DACH1: variants seen among roughly 807,000 people sequenced by gnomAD.
The protein encoded by DACH1 is dachshund homolog 1.
DACH1 carries 12 observed loss-of-function variants against 54.2 expected under a neutral mutation model. The observed-to-expected ratio is 0.22, with a 90% CI of 0.14 to 0.36. DACH1 has a LOEUF of 0.36. Ranked by LOEUF, DACH1 falls within the 10% of genes least tolerant of loss-of-function variation. The pLI, the probability that DACH1 is intolerant of heterozygous loss-of-function variation, is 1.00. For synonymous variants in DACH1, 386 were observed against 366.2 expected, an observed-to-expected ratio of 1.05 and a Z score of -0.62; for missense variants, 805 against 929.8, an observed-to-expected ratio of 0.87 and a Z score of 1.75.
At chr13:71,582,157 A>T (rs1346601189) in intron 3 of DACH1, among the ~76,000 whole-genome samples, 2 of 152,176 alleles carry the variant, frequency 1.3e-5, no homozygotes, top group African/African-American at 4.8e-5. Context: ...CAAATTGCAT[A>T]ATGTTTTAAT....
intron 1 of DACH1, among the ~76,000 whole-genome samples, chr13:71,719,338 G>A (rs1464762363): frequency 1.3e-5 from 2 of 152,074 alleles, no homozygotes; most frequent in African/African-American, 4.8e-5. Flanking sequence ...TTCTGCTCAA[G>A]GAACAACATA....
intron 1 of DACH1, among the ~76,000 whole-genome samples, chr13:71,841,446 C>G (rs1382250057): frequency 6.6e-6 from 1 of 152,026 alleles, no homozygotes. Flanking sequence ...TTAATTTTAC[C>G]TCTAACAAAA....
intron 1 of DACH1, among the ~76,000 whole-genome samples, chr13:71,745,259 T>A (rs1398354022): frequency 6.6e-6 from 1 of 152,204 alleles, no homozygotes; most frequent in Non-Finnish European, 1.5e-5. Context: ...TTTAAAGTTC[T>A]ACTACAGGTT....
At position 71,446,375 on chromosome 13, in the gene DACH1, A is replaced by C. The variant is rs191020387; in HGVS notation, c.2084-5683T>G. 5.6e-3 allele frequency among the ~76,000 whole-genome samples: 859 copies of C among 152,328 alleles called. 36 individuals carry two copies. Among genetic ancestry groups the C allele is most frequent in the Admixed American group, 0.054 (819 of 15,284 alleles). On this transcript the variant is annotated intron_variant, in intron 10 of 10. Transcript: ENST00000613252. ...TCAAATGGATGAAAGCTTTACATTA[A>C]GATTAAGTAAACTGGCAATAATGAT...
intron 1 of DACH1, among the ~76,000 whole-genome samples, chr13:71,762,416 A>G (rs1337887212): frequency 2.0e-5 from 3 of 152,172 alleles, no homozygotes; most frequent in Non-Finnish European, 4.4e-5. Context: ...CATATGAGTA[A>G]GTGATATGAA....
rs146070641 is a variant in DACH1, at chr13:71,757,811, C to G, written c.849-75901G>C. ...GTGCTGGGATTACAGGTGTGAGCCA[C>G]CACGCCTGGCCTTAAAGGTACTTTG... On this transcript the variant is annotated intron_variant, in intron 1 of 10. Transcript: ENST00000613252. 2.1e-4 allele frequency among the ~76,000 whole-genome samples: 32 copies of G among 152,218 alleles called. No individual in the cohort carries two copies. In the East Asian group the frequency reaches 3.5e-3, roughly 17 times the overall value.
intron 10 of DACH1, among the ~76,000 whole-genome samples, chr13:71,466,416 A>T (rs1299455433): frequency 6.6e-6 from 1 of 152,138 alleles, no homozygotes; most frequent in East Asian, 1.9e-4. Context: ...ATGGCAATTT[A>T]GTTGCACGAT....
At chr13:71,723,625 C>A (rs1883334494) in intron 1 of DACH1, among the ~76,000 whole-genome samples, 1 of 152,128 alleles carries the variant, frequency 6.6e-6, no homozygotes, top group Non-Finnish European at 1.5e-5. Context: ...ATGTTCTAAT[C>A]CCACATCAAT....
At chr13:71,705,765 T>G (rs1410657514) in intron 1 of DACH1, among the ~76,000 whole-genome samples, 1 of 151,998 alleles carries the variant, frequency 6.6e-6, no homozygotes, top group African/African-American at 2.4e-5. Flanking sequence ...TTTTTTTTTT[T>G]AGAATCAAGT....
chr13:71,757,418 C>T (rs1885212086), intron 1 of DACH1, among the ~76,000 whole-genome samples: 1 of 151,966 alleles, frequency 6.6e-6, no homozygotes, highest in South Asian at 2.1e-4. Flanking sequence ...CTGAACAAAT[C>T]ACTTAACCTC....
intron 6 of DACH1, among the ~76,000 whole-genome samples, chr13:71,544,735 T>G (rs1883348769): frequency 6.6e-6 from 1 of 152,114 alleles, no homozygotes; most frequent in South Asian, 2.1e-4. Context: ...AAGATCCAGT[T>G]GTAAATAATA....
At chr13:71,648,232 T>C (rs1878431208) in intron 2 of DACH1, among the ~76,000 whole-genome samples, 2 of 152,174 alleles carry the variant, frequency 1.3e-5, no homozygotes, top group Admixed American at 1.3e-4. Flanking sequence ...CTATATCAAA[T>C]AGACACTCAA....
intron 6 of DACH1, among the ~76,000 whole-genome samples, chr13:71,506,157 T>A (rs1429480707): frequency 1.3e-5 from 2 of 151,978 alleles, no homozygotes; most frequent in Non-Finnish European, 2.9e-5. Context: ...TTATTATACT[T>A]TAAGTTTTAG....
chr13:71,767,134 A>G (rs1885668093), intron 1 of DACH1, among the ~76,000 whole-genome samples: 1 of 152,008 alleles, frequency 6.6e-6, no homozygotes, highest in South Asian at 2.1e-4. Context: ...CTTTGCAATT[A>G]ATATATATTT....
At position 71,530,751 on chromosome 13, in the gene DACH1, T is replaced by G. The variant is rs540422180; in HGVS notation, c.1570+26273A>C. Reference sequence around the variant, plus strand: ...TAATCATATCCTTAATATTAGAAACTAATACTTTGACATCATGTCAAATAA... The same window carrying G: ...TAATCATATCCTTAATATTAGAAACGAATACTTTGACATCATGTCAAATAA... On this transcript the variant is annotated intron_variant, in intron 6 of 10. Coordinates refer to ENST00000613252, the MANE Select transcript of DACH1 (RefSeq NM_080759.6). 1.2e-3 allele frequency among the ~76,000 whole-genome samples: 176 copies of G among 152,302 alleles called. 1 individual carries two copies. The highest frequency in any genetic ancestry group is 4.2e-3 in the African/African-American group (173 of 41,582).
At position 71,520,272 on chromosome 13, in the gene DACH1, T is replaced by C. The variant is rs1881496390; in HGVS notation, c.1571-31124A>G. On this transcript the variant is annotated intron_variant, in intron 6 of 10. Coordinates refer to ENST00000613252, the MANE Select transcript of DACH1 (RefSeq NM_080759.6). ...AGAAGATTATGGTAAGAATTAGGTG[T>C]AATAATGCCATACTCTTGCCAGAGC... Among the ~76,000 whole-genome samples the C allele has an allele frequency of 5.3e-5, 8 of 151,754 alleles. No homozygotes were observed. In the South Asian group the frequency reaches 1.7e-3, roughly 31 times the overall value.
intron 7 of DACH1, among the ~76,000 whole-genome samples, chr13:71,488,199 A>C (rs1878697231): frequency 6.6e-6 from 1 of 152,196 alleles, no homozygotes; most frequent in Non-Finnish European, 1.5e-5. Flanking sequence ...ATTTTTCTAA[A>C]AAGGAGCTTA....
At chr13:71,653,166 T>C (rs7329330) in intron 2 of DACH1, among the ~76,000 whole-genome samples, 42,436 of 152,024 alleles carry the variant, frequency 0.28, 8,656 homozygotes, top group African/African-American at 0.53. Flanking sequence ...ACAAAATTCA[T>C]CCCCATTTCC....
intron 3 of DACH1, among the ~76,000 whole-genome samples, chr13:71,620,126 T>C (rs1593997345): frequency 6.6e-6 from 1 of 152,002 alleles, no homozygotes. Context: ...ATCAGACTTA[T>C]ATTATCTGAT....
Sources: gnomAD v4.1 joint callset for allele counts (sites outside exome capture counted in the v4.1 genomes callset) on GRCh38, gnomAD v4.1.1 for gene constraint, MANE v1.5 for transcripts, NCBI Gene and HGNC (gene_info 2026-07-23, HGNC 2026-07-21) for gene names.